Variants in HGS observed in about 807,000 individuals in gnomAD.
HGS encodes hepatocyte growth factor-regulated tyrosine kinase substrate.
Under a neutral mutation model 109.7 loss-of-function variants are expected in HGS, and 63 were observed. The ratio of observed to expected loss-of-function variants is 0.57; its 90% CI spans 0.47 to 0.71. The LOEUF (loss-of-function observed/expected upper bound fraction) is 0.71. Among genes scored for constraint, HGS ranks in the 30% least tolerant of loss-of-function variants. The probability of loss-of-function intolerance (pLI) is 0.00; values close to 1 mark genes in which losing one functional copy is unlikely to be tolerated. For missense variants in HGS, 995 were observed against 1,068.3 expected, an observed-to-expected ratio of 0.93 and a Z score of 0.96; for synonymous variants, 546 against 437.3, an observed-to-expected ratio of 1.25 and a Z score of -3.10.
chr17:81,695,732 GGGAGGCTGGCTGGGGCGT>G (rs2037135474), intron 14 of HGS, 36 bp from the exon 15 acceptor site: 2 of 1,553,514 alleles, frequency 1.3e-6, no homozygotes, highest in African/African-American at 2.7e-5. Context: ...GGCCCCACCA[GGGAGGCTGGCTGGGGCGT>G]GGCCGCACTC....
Position 81,694,831 on chromosome 17 carries a change from T to C in HGS, c.953T>C (p.Leu318Pro). 6 of 1,614,246 alleles carry C rather than the reference T, an allele frequency of 3.7e-6. No individual in the cohort carries two copies. The highest frequency in any genetic ancestry group is 5.1e-6 in the Non-Finnish European group (6 of 1,180,032). Residue 318 changes from leucine to proline, a missense_variant, in exon 12 of 22, where the codon CTG becomes CCG. Around this residue, in one of 6 missense-constraint regions of HGS, gnomAD observed 300 missense variants for 235.4 expected, o/e 1.27. Coordinates refer to ENST00000329138, the MANE Select transcript of HGS (RefSeq NM_004712.5). Reference sequence around the variant, plus strand: ...TCTCCCCAGAACTCGTCGGCGCCTCTGGCTGAGGACATCGACCCTGAGGTA... The same window carrying C: ...TCTCCCCAGAACTCGTCGGCGCCTCCGGCTGAGGACATCGACCCTGAGGTA... ...YSSPVNSSAP[L>P]AEDIDPELAR...
chr17:81,701,669 C>A lies in HGS; in HGVS notation c.*51C>A. On this transcript the variant is annotated 3_prime_UTR_variant, in exon 22 of 22. Coordinates refer to ENST00000329138, the MANE Select transcript of HGS (RefSeq NM_004712.5). Reference sequence around the variant, plus strand: ...AACACTACATACAGTTCACCTGAAACGCCTCGTCTCTAACTGCCGTCGTCC... The same window carrying A: ...AACACTACATACAGTTCACCTGAAAAGCCTCGTCTCTAACTGCCGTCGTCC... 1 of 1,511,046 alleles carries A rather than the reference C, an allele frequency of 6.6e-7. No homozygotes were observed. The highest frequency in any genetic ancestry group is 8.9e-7 in the Non-Finnish European group (1 of 1,126,562). 93.6% of individuals were successfully genotyped at this position (1,511,046 alleles called of 1,614,324 possible). A position where few individuals can be genotyped will look rare whatever the true frequency, so the allele number is the denominator to read the frequency against.
At chr17:81,697,618 A>AT (rs34844749) in intron 18 of HGS, 107,353 of 152,012 alleles carry the variant, frequency 0.71, 39,431 homozygotes, top group East Asian at 1. Context: ...TTTGCCCTTT[A>AT]CAGATGTCTC....
chr17:81,696,919 C>T lies in HGS; in HGVS notation c.1803C>T (p.Gly601=), dbSNP rs376563088. The T allele has an allele frequency of 6.2e-7, 1 of 1,608,300 alleles. No homozygotes were observed. Residue 601 remains glycine (G), a synonymous_variant, in exon 18 of 22, where the codon GGC becomes GGT. Transcript: ENST00000329138. ...TCAGCCCTGCCGGCTCGGTGGAGGG[C>T]TCCCCAATGCACGGCGTGTACATGA... ...STFSPAGSVE[G]SPMHGVYMSQ... is the part of the protein sequence containing the mutation.
At chr17:81,700,068 A>G (rs2037210757) in intron 18 of HGS, among the ~76,000 whole-genome samples, 1 of 142,948 alleles carries the variant, frequency 7.0e-6, no homozygotes, top group Non-Finnish European at 1.5e-5. Context: ...GACTATCTCA[A>G]AAAAAAAGTA....
chr17:81,693,803 T>A (rs370898209), intron 10 of HGS, 51 bp downstream of exon 10: 1 of 1,547,926 alleles, frequency 6.5e-7, no homozygotes, highest in African/African-American at 1.4e-5. Context: ...CTCCCCTGGA[T>A]GTGCTGCGGT....
intron 1 of HGS, among the ~76,000 whole-genome samples, 198 bp from the exon 2 acceptor site, chr17:81,685,407 C>T (rs940023604): frequency 1.3e-5 from 2 of 152,312 alleles, no homozygotes; most frequent in Non-Finnish European, 2.9e-5. Flanking sequence ...TGTGCTCTTA[C>T]GCTGTTTGCT....
At chr17:81,696,020 G>A (rs937306679) in intron 15 of HGS, 21 bp downstream of exon 15, 1 of 1,531,168 alleles carries the variant, frequency 6.5e-7, no homozygotes, top group Non-Finnish European at 8.8e-7. Flanking sequence ...GCGCCACGGG[G>A]CCTCGGCTCA....
chr17:81,688,731 A>G lies in HGS; in HGVS notation c.319A>G (p.Lys107Glu). 1.2e-6 allele frequency: 2 copies of G among 1,614,116 alleles called. No individual in the cohort carries two copies. Among genetic ancestry groups the G allele is most frequent in the Non-Finnish European group, 1.7e-6 (2 of 1,179,988 alleles). The change falls in exon 5 of 22, where the codon AAG becomes GAG. Residue 107 changes from lysine (K) to glutamate (E), a missense_variant. By Grantham distance (56) the Lys-to-Glu change is moderately conservative. This residue lies in a region of HGS where 182 missense variants were observed against 261.3 expected (regional missense o/e 0.70). Coordinates refer to ENST00000329138, the MANE Select transcript of HGS (RefSeq NM_004712.5). ...KRQVEVNVRN[K>E]ILYLIQAWAH... ...ACAAGTGGAGGTAAACGTCCGTAAC[A>G]AGATCCTGTACCTGATCCAGGCCTG...
chr17:81,692,957 G>A (rs1396524985), intron 8 of HGS: 2 of 152,284 alleles, frequency 1.3e-5, no homozygotes, highest in South Asian at 2.1e-4. Context: ...ATTGCAGTGA[G>A]CCAAGATGGC....
Position 81,696,461 on chromosome 17 carries a change from G to T in HGS, c.1498G>T (p.Glu500Ter). 1 of 1,538,798 alleles carries T rather than the reference G, an allele frequency of 6.5e-7. No homozygotes were observed. The highest frequency in any genetic ancestry group is 8.7e-7 in the Non-Finnish European group (1 of 1,143,396). ...EHREKLRRAA[E>*]EAERQRQIQL... ...CCGGGAGAAGCTTCGCCGGGCAGCCGAGGAGGCAGAGCGCCAGCGCCAGAT... is the reference window on the plus strand; with the variant it reads ...CCGGGAGAAGCTTCGCCGGGCAGCCTAGGAGGCAGAGCGCCAGCGCCAGAT... Residue 500 changes from glutamate to a stop codon, truncating the protein, a stop_gained, in exon 16 of 22, where the codon GAG becomes TAG. Transcript: ENST00000329138. LOFTEE classifies it high-confidence loss of function.
chr17:81,696,320 C>T, intron 15 of HGS, 37 bp from the exon 16 acceptor site: 3 of 1,508,104 alleles, frequency 2.0e-6, no homozygotes, highest in South Asian at 1.3e-5. Flanking sequence ...CGGCACTGTG[C>T]CGGAGTGGTC....
intron 7 of HGS, among the ~76,000 whole-genome samples, chr17:81,690,995 T>A (rs1232513953): frequency 6.6e-6 from 1 of 152,232 alleles, no homozygotes; most frequent in African/African-American, 2.4e-5. Flanking sequence ...CTACAGGCCT[T>A]GCCACAGTCA....
intron 15 of HGS, 148 bp from the exon 16 acceptor site, chr17:81,696,209 C>G: frequency 9.6e-7 from 1 of 1,046,762 alleles, no homozygotes; most frequent in Non-Finnish European, 1.3e-6. Context: ...TGCCCAGGAC[C>G]CTCTGCCTGC....
intron 20 of HGS, 73 bp from the exon 21 acceptor site, chr17:81,700,972 T>C (rs2037228612): frequency 6.4e-7 from 1 of 1,551,010 alleles, no homozygotes; most frequent in Non-Finnish European, 8.9e-7. Context: ...CTTTGGATTG[T>C]TGCAAGCCAG....
rs2037242672 is a variant in HGS at position 81,701,790 on chromosome 17, A to G, written c.*172A>G. On this transcript the variant is annotated 3_prime_UTR_variant, in exon 22 of 22. Coordinates refer to ENST00000329138, the MANE Select transcript of HGS (RefSeq NM_004712.5). ...ACCTCCCTTGTCCTCAGCCTACTGC[A>G]GTCCCTGAGTTAGTCTCTGCTTTCT... 1 of 929,652 alleles carries G rather than the reference A, an allele frequency of 1.1e-6. No individual in the cohort carries two copies. The highest frequency in any genetic ancestry group is 1.5e-6 in the Non-Finnish European group (1 of 657,928). The allele number at this position is 929,652 out of a possible 1,614,324, so 57.6% of individuals were successfully genotyped here.
intron 4 of HGS, 134 bp downstream of exon 4, chr17:81,687,229 A>G (rs929482257): frequency 1.5e-6 from 1 of 671,610 alleles, no homozygotes; most frequent in Non-Finnish European, 2.7e-6. Flanking sequence ...TGGTCCCTGC[A>G]CTGCGCAAGC....
chr17:81,695,842 G>A lies in HGS; in HGVS notation c.1236G>A (p.Leu412=), dbSNP rs1360617646. The change falls in exon 15 of 22, where the codon CTG becomes CTA. Residue 412 remains leucine (L), a synonymous_variant. Transcript: ENST00000329138. ...GCCACGAGCAGTTCCTGAAGGCGCT[G>A]CAGAACGCCGTCACCACCTTCGTGA... is the stretch of plus-strand genomic sequence containing the variant. ...EESHEQFLKA[L]QNAVTTFVNR... 5.0e-6 allele frequency: 8 copies of A among 1,613,428 alleles called. No homozygotes were observed. Among genetic ancestry groups the A allele is most frequent in the Non-Finnish European group, 5.9e-6 (7 of 1,180,016 alleles).
At chr17:81,686,006 C>T (rs2036973651) in intron 2 of HGS, among the ~76,000 whole-genome samples, 2 of 152,150 alleles carry the variant, frequency 1.3e-5, no homozygotes, top group East Asian at 1.9e-4. Flanking sequence ...TCTCAGCTCA[C>T]TGCAGCCCCT....
Sources: gnomAD v4.1 joint callset for allele counts (sites outside exome capture counted in the v4.1 genomes callset) on GRCh38, gnomAD v4.1.1 for gene constraint, gnomAD v4.1.1 regional missense constraint, MANE v1.5 for transcripts, NCBI Gene and HGNC (gene_info 2026-07-23, HGNC 2026-07-21) for gene names.